The following SIPA1L2 variants were observed in gnomAD, a reference collection of about 807,000 sequenced individuals.
The protein encoded by SIPA1L2 is signal-induced proliferation-associated 1-like protein 2.
In SIPA1L2, 56 loss-of-function variants were observed where a neutral mutation model predicts 163.9. The ratio of observed to expected loss-of-function variants is 0.34; its 90% CI spans 0.28 to 0.43. The LOEUF is 0.43. Ranked by LOEUF, SIPA1L2 falls within the 20% of genes least tolerant of loss-of-function variation. The pLI, the probability that SIPA1L2 is intolerant of heterozygous loss-of-function variation, is 1.00. For synonymous variants in SIPA1L2, 877 were observed against 865.7 expected (o/e 1.01, Z -0.23); for missense variants, 1,974 against 2,193.5 (o/e 0.90, Z 2.00).
At chr1:232,590,008 G>T (rs927143512) in intron 1 of SIPA1L2, among the ~76,000 whole-genome samples, 1 of 152,210 alleles carries the variant, frequency 6.6e-6, no homozygotes, top group African/African-American at 2.4e-5. Context: ...AGAACAGGAA[G>T]TCATCGCTCT....
intron 16 of SIPA1L2, among the ~76,000 whole-genome samples, chr1:232,430,794 C>G (rs1409772147): frequency 6.6e-6 from 1 of 152,202 alleles, no homozygotes; most frequent in African/African-American, 2.4e-5. Context: ...AGAAGAACTT[C>G]TACAGCCTCT....
intron 5 of SIPA1L2, among the ~76,000 whole-genome samples, chr1:232,485,929 T>A (rs548599853): frequency 1.3e-5 from 2 of 152,178 alleles, no homozygotes; most frequent in South Asian, 4.1e-4. Context: ...ATCATCCTCA[T>A]CCTCGGAGGT....
chr1:232,542,311 T>C (rs1457952208), intron 2 of SIPA1L2, among the ~76,000 whole-genome samples: 23 of 152,254 alleles, frequency 1.5e-4, no homozygotes, highest in Admixed American at 1.4e-3. Flanking sequence ...CCTGCATCTA[T>C]GCCATCTATG....
rs186461508 is a variant in SIPA1L2 at position 232,534,079 on chromosome 1, C to T, written c.-269-18471G>A. Among the ~76,000 whole-genome samples, 143 of 151,320 alleles carry T rather than the reference C, an allele frequency of 9.5e-4. 1 individual carries two copies. Among genetic ancestry groups the T allele is most frequent in the Admixed American group, 8.6e-3 (131 of 15,222 alleles). Reference sequence around the variant, plus strand: ...GAAACCTCAAGGGACCCCAAATAGCCAAAACAATCTTGAAAAAAAAGAATA... The same window carrying T: ...GAAACCTCAAGGGACCCCAAATAGCTAAAACAATCTTGAAAAAAAAGAATA... On this transcript the variant is annotated intron_variant, in intron 2 of 22. Transcript: ENST00000674635.
intron 2 of SIPA1L2, among the ~76,000 whole-genome samples, chr1:232,535,226 A>G (rs1247718262): frequency 6.6e-6 from 1 of 152,324 alleles, no homozygotes; most frequent in East Asian, 1.9e-4. Flanking sequence ...GCGTATGCCT[A>G]AGAAACATCC....
At chr1:232,471,262 G>C (rs1664784034) in intron 8 of SIPA1L2, 109 bp downstream of exon 8, 9 of 1,237,384 alleles carry the variant, frequency 7.3e-6, no homozygotes, top group South Asian at 5.6e-5. Context: ...TGAGTAATTA[G>C]AAAATCACAA....
chr1:232,577,273 A>G (rs1660127898), intron 1 of SIPA1L2, among the ~76,000 whole-genome samples: 1 of 152,298 alleles, frequency 6.6e-6, no homozygotes, highest in African/African-American at 2.4e-5. Context: ...TATTTACTAA[A>G]TATTTTAAGT....
intron 18 of SIPA1L2, among the ~76,000 whole-genome samples, chr1:232,421,917 A>T (rs1208842463): frequency 4.6e-5 from 7 of 152,180 alleles, no homozygotes; most frequent in Admixed American, 4.6e-4. Context: ...TGATAGGAAG[A>T]TTTCAGAGTT....
intron 19 of SIPA1L2, among the ~76,000 whole-genome samples, chr1:232,414,473 G>A (rs1661134806): frequency 6.6e-6 from 1 of 152,276 alleles, no homozygotes; most frequent in South Asian, 2.1e-4. Flanking sequence ...CTGAGGCCTG[G>A]TGTCACAGGT....
intron 16 of SIPA1L2, among the ~76,000 whole-genome samples, chr1:232,429,847 C>T (rs930510506): frequency 1.3e-5 from 2 of 152,050 alleles, no homozygotes; most frequent in African/African-American, 2.4e-5. Flanking sequence ...AGCTCCAGGC[C>T]GTATGTGTTT....
At chr1:232,463,740 T>C (rs1664363001) in intron 9 of SIPA1L2, among the ~76,000 whole-genome samples, 1 of 152,208 alleles carries the variant, frequency 6.6e-6, no homozygotes, top group Non-Finnish European at 1.5e-5. Context: ...ACCAGTATAA[T>C]TCAAGTCAAT....
chr1:232,591,454 A>C (rs1162407185), intron 1 of SIPA1L2, among the ~76,000 whole-genome samples: 5 of 152,250 alleles, frequency 3.3e-5, no homozygotes, highest in Non-Finnish European at 7.3e-5. Context: ...GAGGATGGGC[A>C]GTGGAGCCCT....
chr1:232,409,959 T>G (rs535332619), intron 19 of SIPA1L2, among the ~76,000 whole-genome samples: 33 of 151,260 alleles, frequency 2.2e-4, no homozygotes, highest in South Asian at 1.5e-3. Context: ...TCAAAATATC[T>G]AATTACTTTA....
chr1:232,542,409 C>T (rs1206733228), intron 2 of SIPA1L2, among the ~76,000 whole-genome samples: 2 of 152,160 alleles, frequency 1.3e-5, no homozygotes, highest in Non-Finnish European at 2.9e-5. Flanking sequence ...ATGCAAAGTG[C>T]ACTCTCATAG....
chr1:232,479,779 A>C, intron 6 of SIPA1L2, 49 bp from the exon 7 acceptor site: 1 of 1,510,806 alleles, frequency 6.6e-7, no homozygotes, highest in Non-Finnish European at 9.2e-7. Context: ...CTACAAAATT[A>C]GTGCTTCGAT....
At position 232,425,642 on chromosome 1, in the gene SIPA1L2, T is replaced by C; in HGVS notation, c.4577A>G (p.His1526Arg). 1 of 1,612,382 alleles carries C rather than the reference T, an allele frequency of 6.2e-7. No individual in the cohort carries two copies. Among genetic ancestry groups the C allele is most frequent in the Non-Finnish European group, 8.5e-7 (1 of 1,179,494 alleles). Residue 1526 changes from histidine to arginine, a missense_variant, in exon 18 of 23, where the codon CAC becomes CGC. Transcript: ENST00000674635. ...GTGGGCCCGCGGAGGCAGCGTGCTG[T>C]GGTAGGGTGGGGTGGTGCTGAACAG... ...DILFSTTPPY[H>R]STLPPRAHPA...
intron 3 of SIPA1L2, among the ~76,000 whole-genome samples, chr1:232,494,045 A>G (rs1666059185): frequency 1.3e-5 from 2 of 152,220 alleles, no homozygotes; most frequent in South Asian, 4.1e-4. Context: ...TGGGAAAGTC[A>G]TCATCTTTTA....
chr1:232,493,941 C>T (rs1263447382), intron 3 of SIPA1L2, among the ~76,000 whole-genome samples: 1 of 152,198 alleles, frequency 6.6e-6, no homozygotes, highest in Non-Finnish European at 1.5e-5. Flanking sequence ...ATGTGAATAG[C>T]ATCATCAGAA....
chr1:232,591,393 T>C (rs1660950009), intron 1 of SIPA1L2, among the ~76,000 whole-genome samples: 1 of 152,222 alleles, frequency 6.6e-6, no homozygotes. Flanking sequence ...ATGAGTACTG[T>C]GCTGCCCATT....
Sources: allele counts gnomAD v4.1 joint callset (sites outside exome capture counted in the v4.1 genomes callset), GRCh38; gene constraint gnomAD v4.1.1; transcripts MANE v1.5; gene names NCBI Gene and HGNC (gene_info 2026-07-23, HGNC 2026-07-21).